The following SPPL2B variants were observed in gnomAD, a reference collection of about 807,000 sequenced individuals.
The protein encoded by SPPL2B is signal peptide peptidase like 2B, also known as signal peptide peptidase-like 2B.
In SPPL2B, 39 loss-of-function variants were observed where a neutral mutation model predicts 59.7. The ratio of observed to expected loss-of-function variants is 0.65; its 90% confidence interval spans 0.51 to 0.85. The LOEUF (loss-of-function observed/expected upper bound fraction) is 0.85. Among genes scored for constraint, SPPL2B ranks in the 40% least tolerant of loss-of-function variants. The pLI is 0.00. For synonymous variants in SPPL2B, 419 were observed against 370.8 expected, an observed-to-expected ratio of 1.13 and a Z score of -1.49; for missense variants, 865 against 849.0, an observed-to-expected ratio of 1.02 and a Z score of -0.23.
chr19:2,337,811 C>T (rs1339438640), intron 3 of SPPL2B, 186 bp downstream of exon 3: 10 of 596,208 alleles, frequency 1.7e-5, no homozygotes, highest in East Asian at 3.1e-5. Context: ...GTGGGGAGGG[C>T]GGAGATGAGT....
chr19:2,350,939 G>C (rs1969893630), intron 13 of SPPL2B, among the ~76,000 whole-genome samples: 2 of 152,212 alleles, frequency 1.3e-5, no homozygotes, highest in South Asian at 4.1e-4. Context: ...GGCCCCGGTG[G>C]GTGGACACCG....
intron 1 of SPPL2B, among the ~76,000 whole-genome samples, chr19:2,329,687 T>C (rs1285437253): frequency 6.6e-6 from 1 of 152,192 alleles, no homozygotes; most frequent in African/African-American, 2.4e-5. Flanking sequence ...GCCCCACCGC[T>C]ATCCCTCTGC....
Position 2,345,240 on chromosome 19 carries a change from G to A in SPPL2B, c.1277-13G>A. On this transcript the variant is annotated splice_polypyrimidine_tract_variant and intron_variant, in intron 12 of 14. Transcript: ENST00000613503. ...GCGGGCCCGAGTAAGCCTCCGCCCT[G>A]TGCCTCCCCCAGGGCTGCTGGTGGC... 6.2e-7 allele frequency: 1 copy of A among 1,612,412 alleles called. No individual in the cohort carries two copies. The highest frequency in any genetic ancestry group is 8.5e-7 in the Non-Finnish European group (1 of 1,179,354).
At chr19:2,343,383 G>T in intron 9 of SPPL2B, 91 bp downstream of exon 9, 2 of 1,097,042 alleles carry the variant, frequency 1.8e-6, no homozygotes, top group Non-Finnish European at 2.7e-6. Context: ...GGTCCTTGCA[G>T]GTCTGTGCTC....
intron 10 of SPPL2B, 40 bp downstream of exon 10, chr19:2,344,079 C>G: frequency 7.8e-6 from 11 of 1,410,522 alleles, no homozygotes; most frequent in Non-Finnish European, 9.6e-6. Context: ...CATCACCCCG[C>G]TCCCCCGCCC....
intron 4 of SPPL2B, 103 bp from the exon 5 acceptor site, chr19:2,338,966 C>G: frequency 6.7e-7 from 1 of 1,493,330 alleles, no homozygotes; most frequent in Non-Finnish European, 9.0e-7. Context: ...GTGGCCCCTG[C>G]AGGCCAGGGT....
intron 3 of SPPL2B, 77 bp from the exon 4 acceptor site, chr19:2,338,675 G>A (rs1164813896): frequency 1.0e-6 from 1 of 987,324 alleles, no homozygotes; most frequent in Non-Finnish European, 1.6e-6. Context: ...CCCAGGAGAG[G>A]AGGCGAATGG....
chr19:2,335,518 C>T (rs1168443854), intron 2 of SPPL2B, among the ~76,000 whole-genome samples: 2 of 150,848 alleles, frequency 1.3e-5, no homozygotes, highest in South Asian at 2.1e-4. Flanking sequence ...CAGGCCCCGC[C>T]TCCTTTCTCA....
In SPPL2B at chr19:2,353,441, A is replaced by C; in HGVS notation, c.*232A>C. 2 of 568,310 alleles carry C rather than the reference A, an allele frequency of 3.5e-6. No individual in the cohort carries two copies. The highest frequency in any genetic ancestry group is 6.1e-6 in the Non-Finnish European group (2 of 326,594). 35.2% of individuals were successfully genotyped at this position (568,310 alleles called of 1,614,324 possible). ...GCTCCCAGCTCGCCCGGCTGCCACAAGCTCTCTGCGGGTCCATCCTCCCCA... is the reference window on the plus strand; with the variant it reads ...GCTCCCAGCTCGCCCGGCTGCCACACGCTCTCTGCGGGTCCATCCTCCCCA... On this transcript the variant is annotated 3_prime_UTR_variant, in exon 15 of 15. Transcript: ENST00000613503.
rs569937769 is a variant in SPPL2B at position 2,353,034 on chromosome 19, C to T, written c.1604C>T (p.Pro535Leu). ...KDSATPLSPQ[P>L]PSEEPATSPW... ...TCTGCCACGCCACTCTCCCCGCAGC[C>T]GCCCAGCGAAGAACCAGCCACATCC... The change falls in exon 15 of 15, where the codon CCG becomes CTG. Residue 535 changes from proline (P) to leucine (L), a missense_variant. By Grantham distance (98) the Pro-to-Leu change is moderately conservative. Coordinates refer to ENST00000613503, the MANE Select transcript of SPPL2B (RefSeq NM_152988.3). The T allele has an allele frequency of 1.0e-4, 168 of 1,612,102 alleles. No individual in the cohort carries two copies. In the Middle Eastern group the frequency reaches 1.3e-3, roughly 13 times the overall value.
At chr19:2,330,138 T>G (rs1968204991) in intron 1 of SPPL2B, among the ~76,000 whole-genome samples, 2 of 151,782 alleles carry the variant, frequency 1.3e-5, no homozygotes, top group South Asian at 4.2e-4. Flanking sequence ...AGACGGAGTC[T>G]CGCTCTGTCG....
chr19:2,348,239 G>A (rs1479594430), intron 13 of SPPL2B, among the ~76,000 whole-genome samples: 3 of 100,582 alleles, frequency 3.0e-5, no homozygotes, highest in Non-Finnish European at 5.8e-5. Context: ...GCCTGATTCC[G>A]TTCTCTCTCC....
intron 8 of SPPL2B, 49 bp downstream of exon 8, chr19:2,341,063 G>T: frequency 1.5e-6 from 2 of 1,307,832 alleles, no homozygotes; most frequent in Non-Finnish European, 2.2e-6. Context: ...GTCCTCGGGT[G>T]CACCAGGGCT....
chr19:2,351,769 G>T, intron 14 of SPPL2B, 175 bp downstream of exon 14: 1 of 846,500 alleles, frequency 1.2e-6, no homozygotes, highest in Non-Finnish European at 1.7e-6. Flanking sequence ...AAGGACGTGC[G>T]TGCAGCTCCT....
chr19:2,352,202 C>G (rs1049104137), intron 14 of SPPL2B, among the ~76,000 whole-genome samples: 3 of 152,144 alleles, frequency 2.0e-5, no homozygotes. Flanking sequence ...TTCCAGTGTG[C>G]CGCTCAGGTG....
rs1395540323 is a variant in SPPL2B at position 2,354,814 on chromosome 19, C to T, written c.*1605C>T. The stretch of plus-strand genomic sequence containing the variant: ...CAGCTTTTGATACATATGGCCCGGC[C>T]TCTGCCTCCGCAGTGCACGGCTTGG... On this transcript the variant is annotated 3_prime_UTR_variant, in exon 15 of 15. Transcript: ENST00000613503. 2 of 152,340 alleles carry T rather than the reference C, an allele frequency of 1.3e-5. No individual in the cohort carries two copies. The highest frequency in any genetic ancestry group is 2.9e-5 in the Non-Finnish European group (2 of 68,116). 9.4% of individuals were successfully genotyped at this position (152,340 alleles called of 1,614,324 possible).
chr19:2,333,645 C>G (rs1292042590), intron 1 of SPPL2B, among the ~76,000 whole-genome samples: 2 of 152,242 alleles, frequency 1.3e-5, no homozygotes, highest in African/African-American at 4.8e-5. Flanking sequence ...GGCAAGGGCC[C>G]CAGCCCGTTC....
At chr19:2,343,869 A>G in intron 9 of SPPL2B, 96 bp from the exon 10 acceptor site, 1 of 927,810 alleles carries the variant, frequency 1.1e-6, no homozygotes, top group African/African-American at 1.6e-5. Flanking sequence ...GTTCCTTTAA[A>G]GGCTGCCTCC....
intron 10 of SPPL2B, 148 bp downstream of exon 10, chr19:2,344,187 C>A: frequency 1.9e-6 from 1 of 535,604 alleles, no homozygotes; most frequent in South Asian, 1.9e-5. Context: ...CTGCCCCCCA[C>A]CCCATCACCC....
Sources: allele counts gnomAD v4.1 joint callset (sites outside exome capture counted in the v4.1 genomes callset), GRCh38; gene constraint gnomAD v4.1.1; transcripts MANE v1.5; gene names NCBI Gene and HGNC (gene_info 2026-07-23, HGNC 2026-07-21).